The following MYH15 variants were observed in gnomAD, a reference collection of about 807,000 sequenced individuals.
MYH15 encodes myosin-15.
MYH15 carries 227 observed loss-of-function variants against 240.5 expected under a neutral mutation model. The observed-to-expected ratio is 0.94, with a 90% CI of 0.85 to 1.05. The LOEUF (loss-of-function observed/expected upper bound fraction) is 1.05, where lower values mean the gene tolerates loss of function less well. Among genes scored for constraint, MYH15 ranks in the 50% least tolerant of loss-of-function variants. The probability of loss-of-function intolerance (pLI) is 0.00; values close to 1 mark genes in which losing one functional copy is unlikely to be tolerated. For missense variants in MYH15, 2,217 were observed against 2,247.5 expected, an observed-to-expected ratio of 0.99 and a Z score of 0.27; for synonymous variants, 785 against 796.7, an observed-to-expected ratio of 0.99 and a Z score of 0.25.
intron 9 of MYH15, among the ~76,000 whole-genome samples, chr3:108,490,414 C>T (rs924446269): frequency 3.3e-5 from 5 of 152,178 alleles, no homozygotes; most frequent in East Asian, 3.8e-4. Flanking sequence ...TCTGTGGGAG[C>T]ATTGTTGTCC....
At chr3:108,429,691 C>T (rs986421481) in intron 26 of MYH15, among the ~76,000 whole-genome samples, 2 of 152,072 alleles carry the variant, frequency 1.3e-5, no homozygotes, top group South Asian at 2.1e-4. Context: ...AAGATAGAAA[C>T]TGTTTTAGAA....
intron 25 of MYH15, among the ~76,000 whole-genome samples, chr3:108,433,454 A>G (rs1416423411): frequency 6.6e-6 from 1 of 152,092 alleles, no homozygotes; most frequent in Admixed American, 6.5e-5. Flanking sequence ...ACTGTGGGGA[A>G]GGCATGATTG....
At position 108,386,891 on chromosome 3, in the gene MYH15, G is replaced by A. The variant is rs183235125; in HGVS notation, c.5535+2079C>T. 4.6e-5 allele frequency among the ~76,000 whole-genome samples: 7 copies of A among 152,182 alleles called. No homozygotes were observed. In the East Asian group the frequency reaches 7.7e-4, roughly 17 times the overall value. On this transcript the variant is annotated intron_variant, in intron 38 of 40. Transcript: ENST00000693548. Reference sequence around the variant, plus strand: ...GTAGGAGGCAGTTGATGGTAGAACCGAGTAGATGGGTGGAGAGTGAGGGGC... The same window carrying A: ...GTAGGAGGCAGTTGATGGTAGAACCAAGTAGATGGGTGGAGAGTGAGGGGC...
intron 10 of MYH15, 53 bp from the exon 11 acceptor site, chr3:108,485,282 G>A (rs1039940164): frequency 5.0e-6 from 8 of 1,597,934 alleles, no homozygotes; most frequent in Non-Finnish European, 6.8e-6. Context: ...TGGCTGCAGT[G>A]AGCACCTCAC....
At chr3:108,523,621 T>C (rs1464697762) in intron 1 of MYH15, among the ~76,000 whole-genome samples, 1 of 151,888 alleles carries the variant, frequency 6.6e-6, no homozygotes, top group East Asian at 1.9e-4. Context: ...CTACAGCCCA[T>C]ATTAGATCTT....
chr3:108,414,917 G>C (rs913125959), intron 29 of MYH15, among the ~76,000 whole-genome samples: 2 of 152,102 alleles, frequency 1.3e-5, no homozygotes, highest in Admixed American at 6.5e-5. Flanking sequence ...TAGTACTACT[G>C]CCCAACAGAA....
intron 1 of MYH15, among the ~76,000 whole-genome samples, chr3:108,522,842 G>A (rs1233313756): frequency 1.3e-5 from 2 of 152,078 alleles, no homozygotes; most frequent in Non-Finnish European, 2.9e-5. Context: ...AATCTCAATA[G>A]AAGGGTTGAT....
intron 25 of MYH15, among the ~76,000 whole-genome samples, chr3:108,437,237 A>T (rs1171436363): frequency 6.6e-6 from 1 of 150,562 alleles, no homozygotes; most frequent in East Asian, 1.9e-4. Context: ...ATGAGTAAAA[A>T]GAAGAGTGTC....
At chr3:108,494,918 T>C (rs950186888) in intron 7 of MYH15, among the ~76,000 whole-genome samples, 6 of 152,160 alleles carry the variant, frequency 3.9e-5, no homozygotes, top group Non-Finnish European at 5.9e-5. Flanking sequence ...CCCTTGCTTT[T>C]CCCCCAGCTT....
chr3:108,458,295 T>A (rs1475174099), intron 18 of MYH15, among the ~76,000 whole-genome samples: 1 of 152,154 alleles, frequency 6.6e-6, no homozygotes, highest in Non-Finnish European at 1.5e-5. Flanking sequence ...CTAATTAGAT[T>A]CCTTGATAGA....
chr3:108,399,996 AT>A (rs928168117), intron 33 of MYH15, among the ~76,000 whole-genome samples: 29 of 152,226 alleles, frequency 1.9e-4, no homozygotes, highest in Admixed American at 3.9e-4. Flanking sequence ...GGGAATTTGT[AT>A]TTCCCAAACT....
intron 28 of MYH15, among the ~76,000 whole-genome samples, 171 bp from the exon 29 acceptor site, chr3:108,417,101 T>C (rs531443077): frequency 1.3e-5 from 2 of 152,274 alleles, no homozygotes; most frequent in African/African-American, 2.4e-5. Flanking sequence ...AATGATCCTT[T>C]CCAGGACTCA....
At chr3:108,461,000 C>G (rs2083067255) in intron 16 of MYH15, among the ~76,000 whole-genome samples, 1 of 151,992 alleles carries the variant, frequency 6.6e-6, no homozygotes, top group Non-Finnish European at 1.5e-5. Context: ...TATTTATTTT[C>G]ATGATTTATA....
In MYH15 at chr3:108,510,573, T is replaced by C; in HGVS notation, c.-43A>G. On this transcript the variant is annotated 5_prime_UTR_variant, in exon 1 of 41. Coordinates refer to ENST00000693548, the MANE Select transcript of MYH15 (RefSeq NM_014981.3). ...ACCAAAAAAAGGCCCTAAACGTGAG[T>C]AGGCAAGATTCAACCTGAAAAAAAA... The C allele has an allele frequency of 1.9e-6, 3 of 1,591,810 alleles. No individual in the cohort carries two copies. Among genetic ancestry groups the C allele is most frequent in the Non-Finnish European group, 2.6e-6 (3 of 1,171,994 alleles).
chr3:108,442,388 G>A (rs946176996), intron 22 of MYH15, among the ~76,000 whole-genome samples: 2 of 152,100 alleles, frequency 1.3e-5, no homozygotes, highest in East Asian at 1.9e-4. Flanking sequence ...CCCAGAACAG[G>A]GGCTAAATAG....
In MYH15 at chr3:108,391,902, T is replaced by C. The variant is rs770871970; in HGVS notation, c.5288A>G (p.Lys1763Arg). ...EAANLSEELK[K>R]KQDTIAHLER... ...CAAGTGGGCAATGGTGTCTTGCTTC[T>C]TCTTCAGTTCTTCTGACAAGTTTGC... The change falls in exon 37 of 41, where the codon AAG becomes AGG. Residue 1763 changes from lysine (K) to arginine (R), a missense_variant. Lys to Arg is a conservative substitution (Grantham distance 26). Transcript: ENST00000693548. The C allele has an allele frequency of 6.2e-7, 1 of 1,614,132 alleles. No homozygotes were observed. Among genetic ancestry groups the C allele is most frequent in the South Asian group, 1.1e-5 (1 of 91,064 alleles).
chr3:108,410,997 C>A (rs2082588993), intron 30 of MYH15, 65 bp from the exon 31 acceptor site: 1 of 1,369,848 alleles, frequency 7.3e-7, no homozygotes, highest in Non-Finnish European at 1.0e-6. Flanking sequence ...ATCAAGTCTG[C>A]CCTGGATTAA....
intron 31 of MYH15, among the ~76,000 whole-genome samples, chr3:108,408,739 G>A (rs898885765): frequency 3.3e-5 from 5 of 152,176 alleles, no homozygotes; most frequent in African/African-American, 1.2e-4. Flanking sequence ...CAGACCTGGA[G>A]TCCCTACCCT....
intron 25 of MYH15, among the ~76,000 whole-genome samples, chr3:108,434,078 G>T (rs932465261): frequency 6.6e-6 from 1 of 150,422 alleles, no homozygotes; most frequent in Non-Finnish European, 1.5e-5. Flanking sequence ...ATTACATTAA[G>T]ATATTGATAA....
Sources: allele counts gnomAD v4.1 joint callset (sites outside exome capture counted in the v4.1 genomes callset), GRCh38; gene constraint gnomAD v4.1.1; transcripts MANE v1.5; gene names NCBI Gene and HGNC (gene_info 2026-07-23, HGNC 2026-07-21).